Variants in FAM107B observed in about 807,000 individuals in gnomAD.
The protein encoded by FAM107B is family with sequence similarity 107 member B, also known as protein FAM107B.
Under a neutral mutation model 31.5 loss-of-function variants are expected in FAM107B, and 21 were observed. That is an observed-to-expected ratio of 0.67 (90% confidence interval 0.47 to 0.96). The LOEUF is 0.96. FAM107B is among the 40% of genes least tolerant of loss of function. The pLI is 0.00. For synonymous variants in FAM107B, 157 were observed against 141.5 expected (o/e 1.11, Z -0.78); for missense variants, 452 against 377.1 (o/e 1.20, Z -1.64).
At chr10:14,590,102 G>C (rs1236687743) in intron 2 of FAM107B, among the ~76,000 whole-genome samples, 1 of 152,124 alleles carries the variant, frequency 6.6e-6, no homozygotes, top group African/African-American at 2.4e-5. Flanking sequence ...GTGTGGTCTT[G>C]GGCAAGCAAT....
chr10:14,768,858 C>A (rs553474507), intron 1 of FAM107B, among the ~76,000 whole-genome samples: 44 of 152,334 alleles, frequency 2.9e-4, no homozygotes, highest in Non-Finnish European at 5.3e-4. Flanking sequence ...AGCATTCTGA[C>A]TTACGCATCA....
chr10:14,560,475 G>T (rs11259184), intron 2 of FAM107B, among the ~76,000 whole-genome samples: 18,002 of 152,238 alleles, frequency 0.12, 1,181 homozygotes, highest in Non-Finnish European at 0.16. Flanking sequence ...GGGTATTCAA[G>T]GAGCACCAAT....
At chr10:14,571,855 G>C (rs1851254390) in intron 2 of FAM107B, 1 of 985,334 alleles carries the variant, frequency 1.0e-6, no homozygotes, top group Admixed American at 6.1e-5. Flanking sequence ...AGCCCAGGAA[G>C]TCATCCCCAT....
In FAM107B at chr10:14,682,379, AT is replaced by A. The variant is rs1354805797; in HGVS notation, c.412-14689del. Among the ~76,000 whole-genome samples the A allele has an allele frequency of 2.6e-5, 4 of 152,246 alleles. No individual in the cohort carries two copies. In the East Asian group the frequency reaches 7.7e-4, roughly 29 times the overall value. ...CCTCGCCTCTACTAAAAACATAAAAATTAGCTGGGCTTGGTGGCGCACGCCT... is the reference window on the plus strand; with the variant it reads ...CCTCGCCTCTACTAAAAACATAAAAATAGCTGGGCTTGGTGGCGCACGCCT... On this transcript the variant is annotated intron_variant, in intron 1 of 4. Transcript: ENST00000181796.
chr10:14,591,675 G>A (rs1852023954), intron 2 of FAM107B, among the ~76,000 whole-genome samples: 1 of 152,202 alleles, frequency 6.6e-6, no homozygotes, highest in Non-Finnish European at 1.5e-5. Flanking sequence ...CCCACCACAG[G>A]ACCCCAACGC....
chr10:14,564,800 C>T (rs1361395621), intron 2 of FAM107B, among the ~76,000 whole-genome samples: 1 of 152,244 alleles, frequency 6.6e-6, no homozygotes, highest in East Asian at 1.9e-4. Context: ...AGGCCCAAAC[C>T]TATTATAACA....
chr10:14,614,694 A>AG (rs1004702822), intron 2 of FAM107B, among the ~76,000 whole-genome samples: 2 of 151,248 alleles, frequency 1.3e-5, no homozygotes, highest in African/African-American at 4.9e-5. Flanking sequence ...AAAAAAAAAA[A>AG]AGAGACTTAG....
chr10:14,734,713 C>G (rs1856258371), intron 1 of FAM107B, among the ~76,000 whole-genome samples: 1 of 152,142 alleles, frequency 6.6e-6, no homozygotes, highest in Admixed American at 6.6e-5. Context: ...AAATGTTCCA[C>G]TGATCCTGGC....
At chr10:14,681,731 T>C (rs1054639170) in intron 1 of FAM107B, among the ~76,000 whole-genome samples, 8 of 152,208 alleles carry the variant, frequency 5.3e-5, no homozygotes, top group Middle Eastern at 3.4e-3. Context: ...AGCTCCTTAA[T>C]GTAAAGAAGG....
intron 2 of FAM107B, among the ~76,000 whole-genome samples, chr10:14,603,587 T>C (rs1163701647): frequency 6.6e-6 from 1 of 152,198 alleles, no homozygotes; most frequent in Non-Finnish European, 1.5e-5. Flanking sequence ...TACCCATCAG[T>C]GCCACCTCCA....
intron 1 of FAM107B, among the ~76,000 whole-genome samples, chr10:14,767,055 T>TATATATATATATATATATAGAGAG (rs1440609298): frequency 1.6e-4 from 3 of 18,278 alleles, no homozygotes; most frequent in Non-Finnish European, 2.2e-4. Flanking sequence ...TATATATATA[T>TATATATATATATATATATAGAGAG]AGAGAGAGAG....
chr10:14,632,535 C>T (rs1312062577), intron 2 of FAM107B, among the ~76,000 whole-genome samples: 2 of 148,936 alleles, frequency 1.3e-5, no homozygotes, highest in African/African-American at 2.5e-5. Context: ...GGCGTGAACC[C>T]GGGAGGCGGA....
chr10:14,552,998 G>A (rs948321539), intron 2 of FAM107B, among the ~76,000 whole-genome samples: 6 of 152,092 alleles, frequency 3.9e-5, no homozygotes, highest in African/African-American at 9.7e-5. Flanking sequence ...ACACAAAAAC[G>A]TCCAACAGCA....
At chr10:14,620,257 TC>T (rs201080215) in intron 2 of FAM107B, among the ~76,000 whole-genome samples, 2,055 of 152,278 alleles carry the variant, frequency 0.013, 21 homozygotes, top group South Asian at 0.031. Context: ...GACCTCGTGA[TC>T]CGCCCACCTT....
intron 2 of FAM107B, chr10:14,553,527 C>T (rs1849445038): frequency 2.1e-5 from 8 of 385,872 alleles, no homozygotes; most frequent in Non-Finnish European, 3.8e-5. Flanking sequence ...GAAGGAAGTT[C>T]TCTGGTCCCT....
At chr10:14,538,275 CAGG>C (rs1847845602) in intron 2 of FAM107B, among the ~76,000 whole-genome samples, 1 of 152,148 alleles carries the variant, frequency 6.6e-6, no homozygotes, top group Non-Finnish European at 1.5e-5. Context: ...ATGTTAATGG[CAGG>C]CCATTCATAA....
rs562292026 is a variant in FAM107B, at chr10:14,698,219, A to G, written c.412-30528T>C. 5.9e-5 allele frequency among the ~76,000 whole-genome samples: 9 copies of G among 152,344 alleles called. No individual in the cohort carries two copies. The South Asian group carries it at 1.9e-3, about 32-fold the overall frequency. ...CATGAAAACAAATCATTCATGCAGT[A>G]GTACTCCTAAGCCAACTTAAATCAT... On this transcript the variant is annotated intron_variant, in intron 1 of 4. Coordinates refer to ENST00000181796, the MANE Select transcript of FAM107B (RefSeq NM_031453.4).
intron 1 of FAM107B, among the ~76,000 whole-genome samples, chr10:14,672,015 G>C (rs1398115005): frequency 1.3e-5 from 2 of 151,802 alleles, no homozygotes; most frequent in Non-Finnish European, 2.9e-5. Flanking sequence ...GGGAAATCAG[G>C]AGTCAGGCAT....
At chr10:14,635,104 A>AG (rs1479221818) in intron 2 of FAM107B, among the ~76,000 whole-genome samples, 1 of 150,446 alleles carries the variant, frequency 6.6e-6, no homozygotes, top group Non-Finnish European at 1.5e-5. Flanking sequence ...AAAAAAGAAA[A>AG]GAAAAAAAAA....
Sources: gnomAD v4.1 joint callset for allele counts (sites outside exome capture counted in the v4.1 genomes callset) on GRCh38, gnomAD v4.1.1 for gene constraint, MANE v1.5 for transcripts, NCBI Gene and HGNC (gene_info 2026-07-23, HGNC 2026-07-21) for gene names.